EXT1: variants seen among roughly 807,000 people sequenced by gnomAD.
The protein encoded by EXT1 is exostosin glycosyltransferase 1, also known as exostosin-1.
EXT1 carries 20 observed loss-of-function variants against 82.5 expected under a neutral mutation model. That is an observed-to-expected ratio of 0.24 (90% CI 0.17 to 0.35). The LOEUF (loss-of-function observed/expected upper bound fraction) is 0.35. Ranked by LOEUF, EXT1 falls within the 10% of genes least tolerant of loss-of-function variation. The probability of loss-of-function intolerance (pLI) is 1.00; values close to 1 mark genes in which losing one functional copy is unlikely to be tolerated. For missense variants in EXT1, 757 were observed against 936.5 expected (o/e 0.81, Z 2.50); for synonymous variants, 348 against 350.8 (o/e 0.99, Z 0.09).
At chr8:117,881,316 G>T (rs1313835628) in intron 1 of EXT1, among the ~76,000 whole-genome samples, 7 of 152,150 alleles carry the variant, frequency 4.6e-5, no homozygotes, top group Non-Finnish European at 1.0e-4. Flanking sequence ...TCAAAAAAAA[G>T]AATATTTGGG....
intron 1 of EXT1, 84 bp downstream of exon 1, chr8:118,109,995 GCCCTCA>G: frequency 1.9e-6 from 3 of 1,596,234 alleles, no homozygotes; most frequent in African/African-American, 1.3e-5. Context: ...GGGCTCATCC[GCCCTCA>G]CCCCATCCCC....
intron 3 of EXT1, among the ~76,000 whole-genome samples, chr8:117,833,623 A>G (rs1229456024): frequency 1.3e-5 from 2 of 152,034 alleles, no homozygotes; most frequent in African/African-American, 4.8e-5. Flanking sequence ...TCAAAAAAAA[A>G]AAAGAAAGAA....
At chr8:117,843,807 C>T (rs1812309783) in intron 1 of EXT1, among the ~76,000 whole-genome samples, 1 of 152,150 alleles carries the variant, frequency 6.6e-6, no homozygotes, top group African/African-American at 2.4e-5. Flanking sequence ...CAGCTAGGAC[C>T]AACCAGCCTG....
intron 1 of EXT1, among the ~76,000 whole-genome samples, chr8:117,936,977 C>G (rs962643933): frequency 5.9e-5 from 9 of 152,170 alleles, no homozygotes; most frequent in African/African-American, 2.2e-4. Context: ...TTAACCCATT[C>G]AACACAGCAC....
chr8:117,975,552 A>C (rs930247716), intron 1 of EXT1, among the ~76,000 whole-genome samples: 3 of 152,062 alleles, frequency 2.0e-5, no homozygotes, highest in African/African-American at 7.2e-5. Context: ...GCCTTCTCTG[A>C]ATCTCCAATC....
At position 117,822,526 on chromosome 8, in the gene EXT1, C is replaced by T. The variant is rs770549520; in HGVS notation, c.1356G>A (p.Leu452=). Residue 452 remains leucine, a synonymous_variant, in exon 5 of 11, where the codon TTG becomes TTA. Coordinates refer to ENST00000378204, the MANE Select transcript of EXT1 (RefSeq NM_000127.3). ...AAGATGAATACTGTGGTAGTACGAA[C>T]AATCCTCCAGGATGTTTGTTCCATA... ...SLIWNKHPGG[L]FVLPQYSSYL... is the part of the protein sequence containing the mutation. 1 of 1,613,526 alleles carries T rather than the reference C, an allele frequency of 6.2e-7. No homozygotes were observed. The highest frequency in any genetic ancestry group is 2.2e-5 in the East Asian group (1 of 44,842).
chr8:117,814,062 AAGG>A (rs981344122), intron 7 of EXT1, among the ~76,000 whole-genome samples: 3 of 151,246 alleles, frequency 2.0e-5, no homozygotes, highest in South Asian at 2.1e-4. Context: ...GAAGGAGGAG[AAGG>A]AGGAGGAGGA....
At chr8:118,030,481 TTTTTG>T (rs887266994) in intron 1 of EXT1, among the ~76,000 whole-genome samples, 1 of 152,050 alleles carries the variant, frequency 6.6e-6, no homozygotes, top group African/African-American at 2.4e-5. Context: ...TAGAGGGTTT[TTTTTG>T]TTTGTTTGTT....
chr8:117,904,157 G>T (rs989616882), intron 1 of EXT1, among the ~76,000 whole-genome samples: 5 of 152,298 alleles, frequency 3.3e-5, no homozygotes, highest in Admixed American at 2.6e-4. Context: ...AGGATAACTG[G>T]AAACGTGAGA....
intron 1 of EXT1, among the ~76,000 whole-genome samples, chr8:117,840,985 AGC>A (rs1812266392): frequency 6.6e-6 from 1 of 152,230 alleles, no homozygotes; most frequent in Admixed American, 6.5e-5. Context: ...AAAACGGTGC[AGC>A]CACTTCGAAA....
At chr8:117,871,810 G>A (rs1052235709) in intron 1 of EXT1, among the ~76,000 whole-genome samples, 2 of 152,006 alleles carry the variant, frequency 1.3e-5, no homozygotes, top group Non-Finnish European at 2.9e-5. Context: ...GGGTGGGCAC[G>A]GTTGCCTGGG....
chr8:117,810,582 A>G (rs1373747210), intron 8 of EXT1, among the ~76,000 whole-genome samples: 2 of 152,234 alleles, frequency 1.3e-5, no homozygotes, highest in African/African-American at 2.4e-5. Flanking sequence ...GGGAAAAACA[A>G]TCCTAGAGTG....
chr8:118,067,009 C>T (rs553365730), intron 1 of EXT1, among the ~76,000 whole-genome samples: 5 of 152,288 alleles, frequency 3.3e-5, no homozygotes, highest in East Asian at 3.9e-4. Flanking sequence ...AGACAGCTGC[C>T]GTCTGTAAGT....
chr8:117,888,903 C>G (rs1239094883), intron 1 of EXT1, among the ~76,000 whole-genome samples: 1 of 152,200 alleles, frequency 6.6e-6, no homozygotes, highest in African/African-American at 2.4e-5. Context: ...TGCCTGTGCT[C>G]TTTCTGCTAT....
intron 1 of EXT1, among the ~76,000 whole-genome samples, chr8:117,876,934 C>A (rs1405370675): frequency 6.6e-6 from 1 of 152,018 alleles, no homozygotes; most frequent in South Asian, 2.1e-4. Flanking sequence ...TTTCAGCTAC[C>A]AGGCTGTGGG....
chr8:117,959,123 G>A (rs1159575544), intron 1 of EXT1, among the ~76,000 whole-genome samples: 2 of 152,218 alleles, frequency 1.3e-5, no homozygotes, highest in African/African-American at 4.8e-5. Context: ...AATTCCAACA[G>A]GTTGTGCACA....
rs150768560 is a variant in EXT1 at position 117,821,122 on chromosome 8, G to A, written c.1418-1328C>T. ...CTTAACTGCGAGCAACACAGTGCAG[G>A]GACATTCAAGTTACGCTTTGATACT... On this transcript the variant is annotated intron_variant, in intron 5 of 10. Transcript: ENST00000378204. Among the ~76,000 whole-genome samples, 565 of 152,240 alleles carry A rather than the reference G, an allele frequency of 3.7e-3. 4 individuals are homozygous for A. Among genetic ancestry groups the A allele is most frequent in the East Asian group, 0.014 (72 of 5,176 alleles).
At chr8:117,873,261 G>C (rs951896059) in intron 1 of EXT1, among the ~76,000 whole-genome samples, 3 of 152,076 alleles carry the variant, frequency 2.0e-5, no homozygotes, top group African/African-American at 7.2e-5. Flanking sequence ...TTCATTAGCA[G>C]CCCAAATAGA....
intron 1 of EXT1, among the ~76,000 whole-genome samples, chr8:117,956,681 A>G (rs919651091): frequency 7.9e-5 from 12 of 152,324 alleles, no homozygotes; most frequent in East Asian, 3.9e-4. Flanking sequence ...TCCTGACCTC[A>G]GGTGATCCGG....
Sources: allele counts gnomAD v4.1 joint callset (sites outside exome capture counted in the v4.1 genomes callset), GRCh38; gene constraint gnomAD v4.1.1; transcripts MANE v1.5; gene names NCBI Gene and HGNC (gene_info 2026-07-23, HGNC 2026-07-21).